The following SGPP2 variants were observed in gnomAD, a reference collection of about 807,000 sequenced individuals.
SGPP2 encodes sphingosine 1-phosphate phosphohydrolase 2.
SGPP2 carries 30 observed loss-of-function variants against 33.9 expected under a neutral mutation model. That is an observed-to-expected ratio of 0.89 (90% CI 0.66 to 1.20). SGPP2 has a LOEUF of 1.20. Among genes scored for constraint, SGPP2 ranks in the 50% most tolerant of loss-of-function variants. The pLI is 0.00. For synonymous variants in SGPP2, 233 were observed against 225.0 expected, an observed-to-expected ratio of 1.04 and a Z score of -0.32; for missense variants, 458 against 532.1, an observed-to-expected ratio of 0.86 and a Z score of 1.37.
At chr2:222,547,402 C>T (rs181081883) in intron 4 of SGPP2, among the ~76,000 whole-genome samples, 5 of 152,194 alleles carry the variant, frequency 3.3e-5, no homozygotes, top group Non-Finnish European at 5.9e-5. Flanking sequence ...ATAATTAGAA[C>T]GGTTCATATT....
At chr2:222,544,018 A>G (rs1450579545) in intron 4 of SGPP2, among the ~76,000 whole-genome samples, 1 of 152,166 alleles carries the variant, frequency 6.6e-6, no homozygotes, top group East Asian at 1.9e-4. Flanking sequence ...TGTTTTCTGT[A>G]TAGAGGTCTT....
rs183559705 is a variant in SGPP2, at chr2:222,561,208, A to T, written c.*2310A>T. Among the ~76,000 whole-genome samples, 66 of 152,102 alleles carry T rather than the reference A, an allele frequency of 4.3e-4. No individual in the cohort carries two copies. The highest frequency in any genetic ancestry group is 1.4e-3 in the African/African-American group (57 of 41,480). Reference sequence around the variant, plus strand: ...AAAGATCAAGATGACCTGCCGTTTGACTGCTTTTACATCAAACTCTGCCCA... The same window carrying T: ...AAAGATCAAGATGACCTGCCGTTTGTCTGCTTTTACATCAAACTCTGCCCA... On this transcript the variant is annotated 3_prime_UTR_variant, in exon 5 of 5. Transcript: ENST00000321276.
chr2:222,447,973 C>T (rs1307649398), intron 1 of SGPP2, among the ~76,000 whole-genome samples: 1 of 152,212 alleles, frequency 6.6e-6, no homozygotes, highest in Non-Finnish European at 1.5e-5. Context: ...GTATCTCCAA[C>T]ACCACGAAGC....
intron 2 of SGPP2, 86 bp downstream of exon 2, chr2:222,474,812 T>TTA: frequency 2.0e-6 from 2 of 1,018,160 alleles, no homozygotes; most frequent in Non-Finnish European, 2.6e-6. Context: ...AATATGTTCT[T>TTA]TCTTTTTTTT....
chr2:222,474,430 C>T, intron 1 of SGPP2, 138 bp from the exon 2 acceptor site: 1 of 669,470 alleles, frequency 1.5e-6, no homozygotes, highest in Non-Finnish European at 2.4e-6. Flanking sequence ...AGTGTTCAGC[C>T]ACAGCAATGA....
At chr2:222,527,057 T>C (rs1445514183) in intron 4 of SGPP2, among the ~76,000 whole-genome samples, 5 of 152,168 alleles carry the variant, frequency 3.3e-5, no homozygotes, top group African/African-American at 4.8e-5. Context: ...CATGTAGAGC[T>C]ACAGAGATGA....
At chr2:222,455,675 G>A (rs1003218110) in intron 1 of SGPP2, among the ~76,000 whole-genome samples, 8 of 152,158 alleles carry the variant, frequency 5.3e-5, no homozygotes, top group African/African-American at 1.9e-4. Flanking sequence ...CTGACAAGGT[G>A]GTTATAAAAT....
chr2:222,520,722 G>GA (rs369507692), intron 2 of SGPP2, among the ~76,000 whole-genome samples: 707 of 39,562 alleles, frequency 0.018, 2 homozygotes, highest in Middle Eastern at 0.036. Context: ...GTGAGACTCT[G>GA]AAAAAAAAAA....
intron 1 of SGPP2, among the ~76,000 whole-genome samples, chr2:222,433,382 C>G (rs1697187721): frequency 6.6e-6 from 1 of 152,118 alleles, no homozygotes; most frequent in Admixed American, 6.5e-5. Flanking sequence ...ATCCCTACTA[C>G]TTTGAAGGAT....
intron 2 of SGPP2, among the ~76,000 whole-genome samples, chr2:222,494,823 G>A (rs1183516153): frequency 6.6e-6 from 1 of 152,162 alleles, no homozygotes; most frequent in Non-Finnish European, 1.5e-5. Context: ...ATTTTAAAAA[G>A]AAGTTTGTCT....
chr2:222,509,559 T>C (rs1698494516), intron 2 of SGPP2, among the ~76,000 whole-genome samples: 1 of 152,220 alleles, frequency 6.6e-6, no homozygotes, highest in Non-Finnish European at 1.5e-5. Flanking sequence ...CTCACTTCAG[T>C]GCCCTGTGGA....
At chr2:222,467,681 A>T (rs1697766284) in intron 1 of SGPP2, among the ~76,000 whole-genome samples, 1 of 152,074 alleles carries the variant, frequency 6.6e-6, no homozygotes, top group Non-Finnish European at 1.5e-5. Context: ...AAGCAAAGCC[A>T]CTGTGGAGGG....
chr2:222,504,033 A>G (rs1035384728), intron 2 of SGPP2: 2 of 152,230 alleles, frequency 1.3e-5, no homozygotes, highest in African/African-American at 2.4e-5. Context: ...AAGGCAACCA[A>G]CTGGTCCTGA....
At chr2:222,512,940 T>C (rs946136456) in intron 2 of SGPP2, among the ~76,000 whole-genome samples, 5 of 152,242 alleles carry the variant, frequency 3.3e-5, no homozygotes, top group Non-Finnish European at 7.3e-5. Flanking sequence ...ATAAGCATCC[T>C]TGCACAGGTT....
chr2:222,459,142 C>CTTTTTTTTTTTTTTTTTTTTTTTT (rs1164145783), intron 1 of SGPP2, among the ~76,000 whole-genome samples: 2 of 94,462 alleles, frequency 2.1e-5, no homozygotes, highest in African/African-American at 3.8e-5. Flanking sequence ...TTCTTTCTTT[C>CTTTTTTTTTTTTTTTTTTTTTTTT]TTTTTTTTTT....
intron 4 of SGPP2, among the ~76,000 whole-genome samples, chr2:222,543,097 A>G (rs1350076925): frequency 6.6e-6 from 1 of 152,208 alleles, no homozygotes; most frequent in East Asian, 1.9e-4. Flanking sequence ...CAGTTCATCA[A>G]TATTTACCTT....
intron 1 of SGPP2, among the ~76,000 whole-genome samples, chr2:222,444,640 A>G (rs11892706): frequency 0.77 from 117,102 of 152,080 alleles, 45,245 homozygotes; most frequent in Middle Eastern, 0.9. Flanking sequence ...TCATCTGAAC[A>G]AGATCTCTTT....
intron 1 of SGPP2, chr2:222,452,330 G>A (rs539115186): frequency 1.4e-5 from 9 of 663,048 alleles, no homozygotes; most frequent in African/African-American, 1.2e-4. Flanking sequence ...TATGAGGGAG[G>A]GGAGGAGGGG....
intron 1 of SGPP2, among the ~76,000 whole-genome samples, chr2:222,427,595 A>T (rs1251778854): frequency 6.7e-6 from 1 of 149,220 alleles, no homozygotes; most frequent in Non-Finnish European, 1.5e-5. Flanking sequence ...GTTTTTCTTT[A>T]AAAAAAAATG....
Sources: allele counts gnomAD v4.1 joint callset (sites outside exome capture counted in the v4.1 genomes callset), GRCh38; gene constraint gnomAD v4.1.1; transcripts MANE v1.5; gene names NCBI Gene and HGNC (gene_info 2026-07-23, HGNC 2026-07-21).